Variants in EPHA5 observed in about 807,000 individuals in gnomAD.
EPHA5 encodes EPH receptor A5, also known as ephrin type-A receptor 5.
EPHA5 carries 60 observed loss-of-function variants against 105.0 expected under a neutral mutation model. The ratio of observed to expected loss-of-function variants is 0.57; its 90% CI spans 0.46 to 0.71. The LOEUF (loss-of-function observed/expected upper bound fraction) is 0.71, where lower values mean the gene tolerates loss of function less well. Among genes scored for constraint, EPHA5 ranks in the 30% least tolerant of loss-of-function variants. The pLI, the probability that EPHA5 is intolerant of heterozygous loss-of-function variation, is 0.00. For synonymous variants in EPHA5, 513 were observed against 449.1 expected (o/e 1.14, Z -1.80); for missense variants, 1,218 against 1,274.7 (o/e 0.96, Z 0.68).
chr4:65,531,241 G>T (rs990983765), intron 3 of EPHA5, among the ~76,000 whole-genome samples: 2 of 150,896 alleles, frequency 1.3e-5, no homozygotes, highest in Non-Finnish European at 3.0e-5. Flanking sequence ...GTTTCACCTT[G>T]TTAGCCAGGA....
chr4:65,514,999 C>T lies in EPHA5; in HGVS notation c.911-19456G>A, dbSNP rs372246458. Among the ~76,000 whole-genome samples, 4 of 152,216 alleles carry T rather than the reference C, an allele frequency of 2.6e-5. No individual in the cohort carries two copies. The East Asian group carries it at 5.8e-4, about 22-fold the overall frequency. ...CGTTGTGATTATCAATAGCTGCAAA[C>T]TCCACAATCTCAATTTTAGACATCC... On this transcript the variant is annotated intron_variant, in intron 3 of 16. Coordinates refer to ENST00000613740, the MANE Select transcript of EPHA5 (RefSeq NM_001281766.3).
At chr4:65,567,543 G>T (rs1739678547) in intron 3 of EPHA5, among the ~76,000 whole-genome samples, 1 of 151,526 alleles carries the variant, frequency 6.6e-6, no homozygotes, top group Admixed American at 6.6e-5. Context: ...GTACAAGTTG[G>T]TGATAGCCAA....
At chr4:65,646,917 G>A (rs1347878419) in intron 1 of EPHA5, among the ~76,000 whole-genome samples, 3 of 151,758 alleles carry the variant, frequency 2.0e-5, no homozygotes, top group African/African-American at 7.3e-5. Context: ...TCTTATATAC[G>A]CTTCCATAAT....
intron 3 of EPHA5, among the ~76,000 whole-genome samples, chr4:65,579,307 T>A (rs906173617): frequency 2.0e-5 from 3 of 149,030 alleles, no homozygotes; most frequent in East Asian, 3.9e-4. Flanking sequence ...AGAAAAGAGA[T>A]GTAATTGAGA....
At chr4:65,550,447 C>A in intron 3 of EPHA5, among the ~76,000 whole-genome samples, 2 of 152,218 alleles carry the variant, frequency 1.3e-5, no homozygotes, top group East Asian at 3.9e-4. Flanking sequence ...ATTCTGTAAA[C>A]CATAATGATC....
intron 3 of EPHA5, among the ~76,000 whole-genome samples, chr4:65,545,553 T>C (rs182097647): frequency 6.6e-6 from 1 of 151,978 alleles, no homozygotes; most frequent in African/African-American, 2.4e-5. Flanking sequence ...TTATAGAACT[T>C]AACTACTAGT....
At chr4:65,336,178 A>G in intron 14 of EPHA5, 53 bp from the exon 15 acceptor site, 2 of 1,434,838 alleles carry the variant, frequency 1.4e-6, no homozygotes, top group Non-Finnish European at 1.9e-6. Context: ...TTAGTATAGA[A>G]TAGCTTTAAA....
At chr4:65,447,794 CA>C (rs35534836) in intron 5 of EPHA5, among the ~76,000 whole-genome samples, 36,787 of 144,750 alleles carry the variant, frequency 0.25, 5,218 homozygotes, top group Middle Eastern at 0.43. Flanking sequence ...CTTATCTGAC[CA>C]AAAAAAAAAT....
intron 5 of EPHA5, among the ~76,000 whole-genome samples, chr4:65,468,256 A>G (rs1380029584): frequency 1.3e-5 from 2 of 151,898 alleles, no homozygotes; most frequent in African/African-American, 2.4e-5. Flanking sequence ...GAGCAAAAAT[A>G]AATGGTTATT....
chr4:65,369,406 AT>A (rs1249443630), intron 8 of EPHA5, among the ~76,000 whole-genome samples: 1 of 152,156 alleles, frequency 6.6e-6, no homozygotes, highest in Non-Finnish European at 1.5e-5. Context: ...ATTTCCATTG[AT>A]TTATGCATTA....
chr4:65,331,957 C>G lies in EPHA5; in HGVS notation c.2945+16G>C, dbSNP rs750784232. ...GCCCCAGCAATTATGTAAAAATTAT[C>G]AGAAAAATTACTCACTCCAAGGTCA... On this transcript the variant is annotated intron_variant, in intron 16 of 16. Transcript: ENST00000613740. 1 of 1,572,150 alleles carries G rather than the reference C, an allele frequency of 6.4e-7. No homozygotes were observed. The highest frequency in any genetic ancestry group is 1.9e-5 in the Admixed American group (1 of 51,432).
At chr4:65,660,565 T>C (rs1749471251) in intron 1 of EPHA5, among the ~76,000 whole-genome samples, 1 of 152,150 alleles carries the variant, frequency 6.6e-6, no homozygotes, top group Non-Finnish European at 1.5e-5. Flanking sequence ...TTAGGAAACC[T>C]ACTAGGCTAC....
At chr4:65,588,041 T>C (rs984921389) in intron 3 of EPHA5, among the ~76,000 whole-genome samples, 1 of 152,166 alleles carries the variant, frequency 6.6e-6, no homozygotes, top group African/African-American at 2.4e-5. Context: ...ACAAACACAC[T>C]GGGTTCAAAT....
chr4:65,331,195 T>G (rs949101243), intron 16 of EPHA5: 3 of 1,029,268 alleles, frequency 2.9e-6, no homozygotes, highest in Non-Finnish European at 3.5e-6. Context: ...GTTAAAACAT[T>G]AATGTTAATG....
chr4:65,366,852 CT>C (rs200554204), intron 9 of EPHA5, among the ~76,000 whole-genome samples: 2,019 of 151,794 alleles, frequency 0.013, 40 homozygotes, highest in African/African-American at 0.046. Context: ...TGTTCAAATT[CT>C]TTATTAAAAC....
chr4:65,663,956 A>G (rs1749755118), intron 1 of EPHA5, among the ~76,000 whole-genome samples: 1 of 151,988 alleles, frequency 6.6e-6, no homozygotes, highest in African/African-American at 2.4e-5. Flanking sequence ...TTATTACAAG[A>G]ACATTTTGCA....
At chr4:65,571,051 T>C in intron 3 of EPHA5, among the ~76,000 whole-genome samples, 1 of 151,948 alleles carries the variant, frequency 6.6e-6, no homozygotes, top group Non-Finnish European at 1.5e-5. Flanking sequence ...TCCCTTCTCT[T>C]CCTACCTTTC....
rs2149571044 is a variant in EPHA5 at position 65,669,613 on chromosome 4, G to A, written c.130C>T (p.Leu44Phe). 3.5e-6 allele frequency: 5 copies of A among 1,433,554 alleles called. No individual in the cohort carries two copies. Among genetic ancestry groups the A allele is most frequent in the Non-Finnish European group, 4.6e-6 (5 of 1,087,494 alleles). 88.8% of individuals were successfully genotyped at this position (1,433,554 alleles called of 1,614,324 possible). The change falls in exon 1 of 17, where the codon CTT becomes TTT. Residue 44 changes from leucine (L) to phenylalanine (F), a missense_variant. Transcript: ENST00000613740. ...GTCCGGAGTGCGGCGCACAGGAGAA[G>A]GCACGTCCAGAGGGGAGCCCGTCGA... Reference protein sequence around the residue: ...APRRAPLWTCLLLCAALRTLL... With the variant: ...APRRAPLWTCFLLCAALRTLL...
At chr4:65,470,794 C>A (rs993757001) in intron 5 of EPHA5, among the ~76,000 whole-genome samples, 5 of 152,126 alleles carry the variant, frequency 3.3e-5, no homozygotes, top group African/African-American at 1.2e-4. Flanking sequence ...TATTTGCAGT[C>A]CTGTTAAAGC....
Sources: allele counts gnomAD v4.1 joint callset (sites outside exome capture counted in the v4.1 genomes callset), GRCh38; gene constraint gnomAD v4.1.1; transcripts MANE v1.5; gene names NCBI Gene and HGNC (gene_info 2026-07-23, HGNC 2026-07-21).